CAMK2D: variants seen among roughly 807,000 people sequenced by gnomAD.
The protein encoded by CAMK2D is calcium/calmodulin-dependent protein kinase type II subunit delta.
CAMK2D carries 37 observed loss-of-function variants against 84.0 expected under a neutral mutation model. That is an observed-to-expected ratio of 0.44 (90% CI 0.34 to 0.58). The LOEUF (loss-of-function observed/expected upper bound fraction) is 0.58, where lower values mean the gene tolerates loss of function less well. Ranked by LOEUF, CAMK2D falls within the 20% of genes least tolerant of loss-of-function variation. The pLI is 0.02. For missense variants in CAMK2D, 448 were observed against 652.5 expected (o/e 0.69, Z 3.41); for synonymous variants, 202 against 212.5 (o/e 0.95, Z 0.43).
chr4:113,489,438 A>G (rs1251481396), intron 16 of CAMK2D, among the ~76,000 whole-genome samples: 1 of 151,468 alleles, frequency 6.6e-6, no homozygotes, highest in Non-Finnish European at 1.5e-5. Flanking sequence ...ATGATTTCCA[A>G]TTTCATCCAT....
chr4:113,692,652 AT>A (rs1470853863), intron 2 of CAMK2D, among the ~76,000 whole-genome samples: 2 of 152,006 alleles, frequency 1.3e-5, no homozygotes, highest in African/African-American at 2.4e-5. Context: ...ATATTCATAT[AT>A]ACATACATAT....
chr4:113,473,997 A>G (rs2097575538), intron 16 of CAMK2D, among the ~76,000 whole-genome samples: 1 of 152,184 alleles, frequency 6.6e-6, no homozygotes, highest in African/African-American at 2.4e-5. Flanking sequence ...TTAAAAAATG[A>G]CTTAAATAAA....
chr4:113,689,957 A>C (rs1026997988), intron 2 of CAMK2D, among the ~76,000 whole-genome samples: 6 of 152,148 alleles, frequency 3.9e-5, no homozygotes, highest in African/African-American at 1.4e-4. Context: ...ACACTCAATA[A>C]ATATTTTTTG....
At chr4:113,495,268 T>C (rs1292838812) in intron 16 of CAMK2D, among the ~76,000 whole-genome samples, 2 of 152,232 alleles carry the variant, frequency 1.3e-5, no homozygotes, top group Non-Finnish European at 2.9e-5. Context: ...TAAGACATTT[T>C]TAACCTAATG....
intron 2 of CAMK2D, among the ~76,000 whole-genome samples, chr4:113,744,334 T>C (rs370511980): frequency 6.6e-6 from 1 of 152,196 alleles, no homozygotes; most frequent in Non-Finnish European, 1.5e-5. Context: ...CTAAACACTA[T>C]TGAAATTCTG....
chr4:113,465,530 T>G lies in CAMK2D; in HGVS notation c.1210A>C (p.Thr404Pro). The change falls in exon 17 of 21, where the codon ACA (threonine) becomes CCA (proline). Residue 404 changes from threonine (T) to proline (P), a missense_variant and splice_region_variant. Around this residue, in one of 7 missense-constraint regions of CAMK2D, gnomAD observed 219 missense variants for 272.1 expected, o/e 0.80. Transcript: ENST00000511664. ...GCAAAGTAAACGTCCGCTACTCACG[T>G]GTAGGCTTCAAAGTCCCCATTGTTG... ...AINNGDFEAY[T>P]KICDPGLTAF... The G allele has an allele frequency of 6.3e-7, 1 of 1,598,294 alleles. No individual in the cohort carries two copies. The highest frequency in any genetic ancestry group is 8.6e-7 in the Non-Finnish European group (1 of 1,166,156).
At chr4:113,500,585 GACAT>G (rs2098024376) in intron 15 of CAMK2D, 74 bp from the exon 16 acceptor site, 1 of 938,716 alleles carries the variant, frequency 1.1e-6, no homozygotes, top group South Asian at 1.4e-5. Context: ...ATTGGCTAGT[GACAT>G]ACATATCATG....
Position 113,761,439 on chromosome 4 carries a change from A to G in CAMK2D, c.-371T>C. The G allele has an allele frequency of 8.4e-7, 1 of 1,183,566 alleles. No homozygotes were observed. The highest frequency in any genetic ancestry group is 1.1e-6 in the Non-Finnish European group (1 of 943,658). The allele number at this position is 1,183,566 out of a possible 1,614,324, so 73.3% of individuals were successfully genotyped here. ...ACAGCCAGGCACGGGACGAGTGGCAAGCAGTTGCGAAACGATCCGCACTGG... is the reference window on the plus strand; with the variant it reads ...ACAGCCAGGCACGGGACGAGTGGCAGGCAGTTGCGAAACGATCCGCACTGG... On this transcript the variant is annotated 5_prime_UTR_variant, in exon 1 of 21. Coordinates refer to ENST00000511664, the MANE Select transcript of CAMK2D (RefSeq NM_001321571.2).
chr4:113,500,186 G>T (rs2098014245), intron 16 of CAMK2D, among the ~76,000 whole-genome samples: 1 of 151,934 alleles, frequency 6.6e-6, no homozygotes, highest in Admixed American at 6.6e-5. Context: ...CCTATAACTA[G>T]TAACTCATTA....
At chr4:113,564,491 T>G (rs1325164161) in intron 4 of CAMK2D, among the ~76,000 whole-genome samples, 1 of 152,152 alleles carries the variant, frequency 6.6e-6, no homozygotes, top group East Asian at 1.9e-4. Flanking sequence ...CAGCATACTG[T>G]GCTTGTTTGA....
At chr4:113,690,293 G>A (rs1593078054) in intron 2 of CAMK2D, among the ~76,000 whole-genome samples, 1 of 152,006 alleles carries the variant, frequency 6.6e-6, no homozygotes, top group South Asian at 2.1e-4. Flanking sequence ...AGAACACAAG[G>A]TCACAGGTCC....
chr4:113,744,779 G>A (rs560728977), intron 2 of CAMK2D, among the ~76,000 whole-genome samples: 114 of 152,288 alleles, frequency 7.5e-4, no homozygotes, highest in Non-Finnish European at 1.3e-3. Context: ...TTGGCAATCT[G>A]ATTTCACAGC....
intron 2 of CAMK2D, among the ~76,000 whole-genome samples, chr4:113,705,449 T>C (rs774809917): frequency 3.3e-5 from 5 of 151,854 alleles, no homozygotes; most frequent in African/African-American, 4.8e-5. Context: ...ACACTACAAC[T>C]ACCTACACAC....
intron 9 of CAMK2D, among the ~76,000 whole-genome samples, chr4:113,516,225 G>C (rs2098281606): frequency 6.6e-6 from 1 of 152,132 alleles, no homozygotes; most frequent in Non-Finnish European, 1.5e-5. Context: ...ATTTTTGCCA[G>C]CTAAACAATT....
At position 113,692,877 on chromosome 4, in the gene CAMK2D, A is replaced by G. The variant is rs546587034; in HGVS notation, c.161-31105T>C. ...CATTATTCTTAGAACTATTATCTTCATAGACTATCACTTAAAACAAATCTT... is the reference window on the plus strand; with the variant it reads ...CATTATTCTTAGAACTATTATCTTCGTAGACTATCACTTAAAACAAATCTT... On this transcript the variant is annotated intron_variant, in intron 2 of 20. Coordinates refer to ENST00000511664, the MANE Select transcript of CAMK2D (RefSeq NM_001321571.2). Among the ~76,000 whole-genome samples the G allele has an allele frequency of 1.3e-3, 194 of 152,146 alleles. 7 individuals are homozygous for G. In the South Asian group the frequency reaches 0.039, roughly 30 times the overall value.
intron 16 of CAMK2D, among the ~76,000 whole-genome samples, chr4:113,481,777 CTGG>C (rs1342385956): frequency 6.6e-6 from 1 of 152,166 alleles, no homozygotes; most frequent in African/African-American, 2.4e-5. Flanking sequence ...CATGCCCAGT[CTGG>C]AGGGATGTAA....
At chr4:113,720,150 T>C (rs1177605450) in intron 2 of CAMK2D, among the ~76,000 whole-genome samples, 3 of 152,032 alleles carry the variant, frequency 2.0e-5, no homozygotes, top group Non-Finnish European at 4.4e-5. Flanking sequence ...ATTGTTCAAA[T>C]GTCTAGCATT....
At chr4:113,504,316 G>T (rs1309265475) in intron 14 of CAMK2D, among the ~76,000 whole-genome samples, 1 of 152,174 alleles carries the variant, frequency 6.6e-6, no homozygotes, top group African/African-American at 2.4e-5. Context: ...TAATTGTGTG[G>T]ATTTGATTGA....
At chr4:113,623,738 C>CTGTGTGTGTGTG (rs3064581) in intron 3 of CAMK2D, among the ~76,000 whole-genome samples, 8 of 148,956 alleles carry the variant, frequency 5.4e-5, no homozygotes, top group African/African-American at 2.0e-4. Context: ...TATGCAGTGA[C>CTGTGTGTGTGTG]TGTGTGTGTG....
Sources: allele counts gnomAD v4.1 joint callset (sites outside exome capture counted in the v4.1 genomes callset), GRCh38; gene constraint gnomAD v4.1.1; regional missense constraint gnomAD v4.1.1; transcripts MANE v1.5; gene names NCBI Gene and HGNC (gene_info 2026-07-23, HGNC 2026-07-21).